RGS17: variants seen among roughly 807,000 people sequenced by gnomAD.
RGS17 encodes the protein regulator of G protein signaling 17.
In RGS17, 12 loss-of-function variants were observed where a neutral mutation model predicts 25.5. That is an observed-to-expected ratio of 0.47 (90% CI 0.30 to 0.76). RGS17 has a LOEUF of 0.76. Among genes scored for constraint, RGS17 ranks in the 30% least tolerant of loss-of-function variants. RGS17 has a pLI of 0.07. For synonymous variants in RGS17, 71 were observed against 76.9 expected, an observed-to-expected ratio of 0.92 and a Z score of 0.40; for missense variants, 196 against 242.2, an observed-to-expected ratio of 0.81 and a Z score of 1.27.
At chr6:153,032,341 G>T (rs1031675794) in intron 2 of RGS17, among the ~76,000 whole-genome samples, 1 of 152,106 alleles carries the variant, frequency 6.6e-6, no homozygotes, top group African/African-American at 2.4e-5. Context: ...AATACCCCAT[G>T]TTGCCCCTCT....
rs78223628 is a variant in RGS17, at chr6:153,055,007, T to C, written c.-25-10964A>G. On this transcript the variant is annotated intron_variant, in intron 1 of 4. Coordinates refer to ENST00000206262, the MANE Select transcript of RGS17 (RefSeq NM_012419.5). ...CAAGCAATGAGGTATAATATTTTGCTACATAGCTGGGGCGTCTGAATAATT... is the reference window on the plus strand; with the variant it reads ...CAAGCAATGAGGTATAATATTTTGCCACATAGCTGGGGCGTCTGAATAATT... 4.4e-3 allele frequency among the ~76,000 whole-genome samples: 671 copies of C among 152,344 alleles called. 12 individuals are homozygous for C. Among genetic ancestry groups the C allele is most frequent in the African/African-American group, 0.015 (639 of 41,578 alleles).
intron 1 of RGS17, among the ~76,000 whole-genome samples, chr6:153,081,821 A>G (rs1319680332): frequency 6.6e-6 from 1 of 152,124 alleles, no homozygotes; most frequent in Non-Finnish European, 1.5e-5. Context: ...GTTTACCCAC[A>G]TTTTCCATTT....
intron 1 of RGS17, among the ~76,000 whole-genome samples, chr6:153,046,399 T>C (rs1776384698): frequency 3.3e-5 from 5 of 152,042 alleles, no homozygotes; most frequent in Admixed American, 3.3e-4. Flanking sequence ...ATGGTAATGA[T>C]CCTTTATTAC....
chr6:153,056,691 G>A (rs982218154), intron 1 of RGS17, among the ~76,000 whole-genome samples: 1 of 152,124 alleles, frequency 6.6e-6, no homozygotes, highest in East Asian at 1.9e-4. Context: ...ATACAGCTGG[G>A]AGTGAGATGA....
chr6:153,015,905 G>C (rs1779178669), intron 4 of RGS17, among the ~76,000 whole-genome samples: 1 of 151,942 alleles, frequency 6.6e-6, no homozygotes, highest in Admixed American at 6.6e-5. Context: ...TGCCTGCCTC[G>C]GCCTCCCAAA....
chr6:153,112,825 G>T (rs1777492934), intron 1 of RGS17, among the ~76,000 whole-genome samples: 1 of 152,146 alleles, frequency 6.6e-6, no homozygotes, highest in African/African-American at 2.4e-5. Flanking sequence ...GCAAAACTAA[G>T]CTTCATAAGC....
Position 153,052,960 on chromosome 6 carries a change from A to G in RGS17, c.-25-8917T>C, listed in dbSNP as rs375672629. Among the ~76,000 whole-genome samples, 3 of 152,308 alleles carry G rather than the reference A, an allele frequency of 2.0e-5. No individual in the cohort carries two copies. The East Asian group carries it at 5.8e-4, about 29-fold the overall frequency. On this transcript the variant is annotated intron_variant, in intron 1 of 4. Coordinates refer to ENST00000206262, the MANE Select transcript of RGS17 (RefSeq NM_012419.5). ...TTCCATCCTGTGGGGATAAAACGAG[A>G]TATCAGTAGTCTGCAGCCTAAAAGA...
rs1445022315 is a variant in RGS17 at position 153,006,165 on chromosome 6, AT to A, written c.*5408del. 6.6e-6 allele frequency: 1 copy of A among 152,064 alleles called. No individual in the cohort carries two copies. The highest frequency in any genetic ancestry group is 1.5e-5 in the Non-Finnish European group (1 of 68,006). 9.4% of individuals were successfully genotyped at this position (152,064 alleles called of 1,614,324 possible). A position where few individuals can be genotyped will look rare whatever the true frequency, so the allele number is the denominator to read the frequency against. ...CGTGCCTGGCCCATTACCACCTTTT[AT>A]TAAGTTTTTATTTTCATTGTAAAAT... On this transcript the variant is annotated 3_prime_UTR_variant, in exon 5 of 5. Coordinates refer to ENST00000206262, the MANE Select transcript of RGS17 (RefSeq NM_012419.5).
chr6:153,087,618 G>C (rs1777069251), intron 1 of RGS17, among the ~76,000 whole-genome samples: 1 of 152,138 alleles, frequency 6.6e-6, no homozygotes, highest in Non-Finnish European at 1.5e-5. Context: ...TGGCTTTTTT[G>C]AGCTTTCCAT....
At chr6:153,113,462 C>T (rs553913565) in intron 1 of RGS17, among the ~76,000 whole-genome samples, 1 of 152,152 alleles carries the variant, frequency 6.6e-6, no homozygotes, top group Non-Finnish European at 1.5e-5. Flanking sequence ...GGGACTTACA[C>T]TCCCAAACGA....
intron 4 of RGS17, among the ~76,000 whole-genome samples, chr6:153,021,858 T>C (rs1779251112): frequency 6.6e-6 from 1 of 152,174 alleles, no homozygotes; most frequent in South Asian, 2.1e-4. Context: ...ATGTTCTTGA[T>C]CAGGAAATGA....
chr6:153,128,619 G>A lies in RGS17; in HGVS notation c.-26+2505C>T, dbSNP rs372732602. On this transcript the variant is annotated intron_variant, in intron 1 of 4. Coordinates refer to ENST00000206262, the MANE Select transcript of RGS17 (RefSeq NM_012419.5). ...TTTTCACTTTTACTTGGCTGTTACA[G>A]TAAGATCAAACGGGTAAGAATATAT... Among the ~76,000 whole-genome samples the A allele has an allele frequency of 3.2e-4, 48 of 152,306 alleles. 7 individuals carry two copies. Among genetic ancestry groups the A allele is most frequent in the Admixed American group, 2.1e-3 (32 of 15,300 alleles).
intron 2 of RGS17, among the ~76,000 whole-genome samples, chr6:153,036,689 T>C (rs1256425707): frequency 6.6e-6 from 1 of 152,220 alleles, no homozygotes; most frequent in Non-Finnish European, 1.5e-5. Context: ...TTTGATGGGA[T>C]CACCAGCAAC....
intron 1 of RGS17, among the ~76,000 whole-genome samples, chr6:153,107,471 T>C (rs1183248971): frequency 6.6e-6 from 1 of 152,208 alleles, no homozygotes; most frequent in African/African-American, 2.4e-5. Context: ...TTTTATTTCA[T>C]CTTGAAGCCT....
At chr6:153,083,238 C>G (rs1390359031) in intron 1 of RGS17, among the ~76,000 whole-genome samples, 1 of 152,124 alleles carries the variant, frequency 6.6e-6, no homozygotes, top group Non-Finnish European at 1.5e-5. Flanking sequence ...AAATGTTTAT[C>G]TGAATTGCAA....
At chr6:153,012,211 A>G (rs924826167) in intron 4 of RGS17, among the ~76,000 whole-genome samples, 9 of 152,206 alleles carry the variant, frequency 5.9e-5, no homozygotes, top group Admixed American at 5.9e-4. Context: ...ATAAAATGCC[A>G]ACTCCCCACA....
intron 1 of RGS17, among the ~76,000 whole-genome samples, chr6:153,067,373 T>C (rs1776725532): frequency 6.6e-6 from 1 of 152,074 alleles, no homozygotes; most frequent in Admixed American, 6.6e-5. Context: ...AGTCAAATTT[T>C]CCTTGTTTGC....
At chr6:153,045,095 A>T (rs1376913147) in intron 1 of RGS17, among the ~76,000 whole-genome samples, 1 of 152,242 alleles carries the variant, frequency 6.6e-6, no homozygotes, top group African/African-American at 2.4e-5. Flanking sequence ...TGATATTTTC[A>T]GTTCTGAATA....
At chr6:153,093,685 G>C (rs1777164375) in intron 1 of RGS17, among the ~76,000 whole-genome samples, 2 of 152,282 alleles carry the variant, frequency 1.3e-5, no homozygotes, top group African/African-American at 4.8e-5. Flanking sequence ...AGAACAGAAA[G>C]GCACCCAGAA....
Sources: allele counts gnomAD v4.1 joint callset (sites outside exome capture counted in the v4.1 genomes callset), GRCh38; gene constraint gnomAD v4.1.1; transcripts MANE v1.5; gene names NCBI Gene and HGNC (gene_info 2026-07-23, HGNC 2026-07-21).